The following PRR14L variants were observed in gnomAD, a reference collection of about 807,000 sequenced individuals.
PRR14L encodes the protein protein PRR14L.
In PRR14L, 80 loss-of-function variants were observed where a neutral mutation model predicts 155.0. The ratio of observed to expected loss-of-function variants is 0.52; its 90% confidence interval spans 0.43 to 0.62. PRR14L has a LOEUF of 0.62. Ranked by LOEUF, PRR14L falls within the 20% of genes least tolerant of loss-of-function variation. The probability of loss-of-function intolerance (pLI) is 0.00; values close to 1 mark genes in which losing one functional copy is unlikely to be tolerated. For synonymous variants in PRR14L, 883 were observed against 916.0 expected (o/e 0.96, Z 0.65); for missense variants, 2,469 against 2,548.0 (o/e 0.97, Z 0.67).
intron 1 of PRR14L, among the ~76,000 whole-genome samples, chr22:31,748,904 G>A (rs2074855472): frequency 6.6e-6 from 1 of 152,134 alleles, no homozygotes; most frequent in Non-Finnish European, 1.5e-5. Flanking sequence ...AGGATCTAAG[G>A]GGACTGGAAG....
At position 31,714,521 on chromosome 22, in the gene PRR14L, T is replaced by C. The variant is rs1453716997; in HGVS notation, c.3318A>G (p.Thr1106=). The C allele has an allele frequency of 4.5e-6, 7 of 1,552,180 alleles. No homozygotes were observed. In the East Asian group the frequency reaches 9.8e-5, roughly 22 times the overall value. ...LSRRELDAAH[T]GTTGQDSDFP... ...AATCTGAATCCTGACCAGTTGTTCC[T>C]GTATGTGCAGCATCCAGTTCTCTCC... The change falls in exon 4 of 9, where the codon ACA becomes ACG. Residue 1106 remains threonine (T), a synonymous_variant. Transcript: ENST00000327423.
Position 31,712,591 on chromosome 22 carries a change from C to T in PRR14L, c.5248G>A (p.Gly1750Arg), listed in dbSNP as rs1048936625. Residue 1750 changes from glycine (G) to arginine (R), a missense_variant, in exon 4 of 9, where the codon GGA (glycine) becomes AGA (arginine). Around this residue, in one of 2 missense-constraint regions of PRR14L, gnomAD observed 2,363 missense variants for 2,371.6 expected, o/e 1.00. Transcript: ENST00000327423. ...EHCAPARLAL[G>R]EALQCPSQPP... ...TGAGACGGGCACTGGAGGGCCTCTC[C>T]TAAGGCAAGCCTTGCCGGAGCACAG... The T allele has an allele frequency of 1.4e-5, 22 of 1,551,594 alleles. No homozygotes were observed. Among genetic ancestry groups the T allele is most frequent in the African/African-American group, 2.7e-5 (2 of 73,046 alleles).
chr22:31,725,205 G>C (rs957280603), intron 3 of PRR14L, among the ~76,000 whole-genome samples: 17 of 152,180 alleles, frequency 1.1e-4, no homozygotes, highest in African/African-American at 4.1e-4. Context: ...GACCAGCCTA[G>C]GCAACATGGT....
At chr22:31,743,340 C>G (rs928381572) in intron 1 of PRR14L, among the ~76,000 whole-genome samples, 1 of 152,004 alleles carries the variant, frequency 6.6e-6, no homozygotes, top group Non-Finnish European at 1.5e-5. Context: ...TTGGGAGTGA[C>G]AGCTGAGGGA....
At chr22:31,734,750 G>A (rs571026935) in intron 2 of PRR14L, among the ~76,000 whole-genome samples, 2,272 of 152,282 alleles carry the variant, frequency 0.015, 56 homozygotes, top group African/African-American at 0.053. Context: ...TCATTAGTGT[G>A]AATACTTATC....
At chr22:31,735,624 T>A (rs138280) in intron 2 of PRR14L, among the ~76,000 whole-genome samples, 1 of 149,550 alleles carries the variant, frequency 6.7e-6, no homozygotes, top group South Asian at 2.1e-4. Flanking sequence ...TCTCCTGAAG[T>A]GGCAGGTCCC....
chr22:31,728,867 C>G (rs2074732640), intron 2 of PRR14L, among the ~76,000 whole-genome samples: 1 of 152,128 alleles, frequency 6.6e-6, no homozygotes, highest in South Asian at 2.1e-4. Context: ...GTTTAACACT[C>G]TATAGCTTAT....
chr22:31,702,617 G>A (rs555013965), intron 6 of PRR14L, among the ~76,000 whole-genome samples: 1 of 152,208 alleles, frequency 6.6e-6, no homozygotes, highest in South Asian at 2.1e-4. Flanking sequence ...CTGGGTTTAA[G>A]CGAATCTACT....
At chr22:31,686,604 A>G (rs1569496958) in intron 8 of PRR14L, among the ~76,000 whole-genome samples, 1 of 148,914 alleles carries the variant, frequency 6.7e-6, no homozygotes, top group Non-Finnish European at 1.5e-5. Context: ...TTTAAAAAGA[A>G]TTTTTTTTTT....
chr22:31,687,553 C>T (rs2074488464), intron 8 of PRR14L, among the ~76,000 whole-genome samples: 2 of 148,984 alleles, frequency 1.3e-5, no homozygotes, highest in South Asian at 2.1e-4. Flanking sequence ...CAGGGTTCAC[C>T]ATGTTGGTCA....
Position 31,714,822 on chromosome 22 carries a change from C to T in PRR14L, c.3017G>A (p.Gly1006Glu). 1 of 1,552,092 alleles carries T rather than the reference C, an allele frequency of 6.4e-7. No individual in the cohort carries two copies. Among genetic ancestry groups the T allele is most frequent in the Admixed American group, 2.0e-5 (1 of 51,002 alleles). Reference protein sequence around the residue: ...DQRETVTEPHGEVNHNQKDLL... With the variant: ...DQRETVTEPHEEVNHNQKDLL... Reference sequence around the variant, plus strand: ...ATCCTTTTGGTTGTGGTTTACCTCCCCGTGAGGCTCGGTGACAGTCTCTCT... The same window carrying T: ...ATCCTTTTGGTTGTGGTTTACCTCCTCGTGAGGCTCGGTGACAGTCTCTCT... Residue 1006 changes from glycine (G) to glutamate (E), a missense_variant, in exon 4 of 9, where the codon GGG becomes GAG. Around this residue, in one of 2 missense-constraint regions of PRR14L, gnomAD observed 2,363 missense variants for 2,371.6 expected, o/e 1.00. Transcript: ENST00000327423.
At chr22:31,748,001 G>C (rs1173502669) in intron 1 of PRR14L, among the ~76,000 whole-genome samples, 2 of 147,034 alleles carry the variant, frequency 1.4e-5, no homozygotes, top group African/African-American at 5.4e-5. Context: ...AAAAAAAACA[G>C]AACATAAAAC....
chr22:31,702,215 CTTT>C (rs1556456284), intron 6 of PRR14L, among the ~76,000 whole-genome samples: 1 of 149,354 alleles, frequency 6.7e-6, no homozygotes, highest in African/African-American at 2.6e-5. Context: ...TCTATTCCTG[CTTT>C]TTTTATTATT....
chr22:31,747,447 C>G (rs1170429460), intron 1 of PRR14L, among the ~76,000 whole-genome samples: 2 of 150,228 alleles, frequency 1.3e-5, no homozygotes, highest in African/African-American at 4.9e-5. Flanking sequence ...GTCTCTTCAT[C>G]AGGAAGCCAG....
intron 4 of PRR14L, among the ~76,000 whole-genome samples, chr22:31,710,238 C>T (rs887071739): frequency 9.2e-5 from 14 of 152,144 alleles, no homozygotes; most frequent in South Asian, 4.2e-4. Context: ...CACTGCGTCC[C>T]GCCTGAACCA....
intron 6 of PRR14L, among the ~76,000 whole-genome samples, 175 bp from the exon 7 acceptor site, chr22:31,701,937 C>T (rs1040074391): frequency 1.3e-5 from 2 of 151,974 alleles, no homozygotes; most frequent in Non-Finnish European, 2.9e-5. Context: ...CCTCCCAAAG[C>T]GCTGGGGTTA....
In PRR14L at chr22:31,715,104, T is replaced by C; in HGVS notation, c.2735A>G (p.Lys912Arg). 2 of 1,551,864 alleles carry C rather than the reference T, an allele frequency of 1.3e-6. No individual in the cohort carries two copies. Among genetic ancestry groups the C allele is most frequent in the East Asian group, 2.4e-5 (1 of 40,928 alleles). The change falls in exon 4 of 9, where the codon AAA becomes AGA. Residue 912 changes from lysine (K) to arginine (R), a missense_variant. Physicochemically the swap from Lys to Arg is conservative, Grantham distance 26. Transcript: ENST00000327423. Reference sequence around the variant, plus strand: ...GTTATACTTACAAAATACAGTTTCTTTGGATACATCCTGCTCCTTTCCTTC... The same window carrying C: ...GTTATACTTACAAAATACAGTTTCTCTGGATACATCCTGCTCCTTTCCTTC... ...GLEGKEQDVS[K>R]ETVFCKYNIS...
intron 3 of PRR14L, among the ~76,000 whole-genome samples, chr22:31,724,915 A>G (rs949758289): frequency 6.6e-6 from 1 of 152,142 alleles, no homozygotes; most frequent in Non-Finnish European, 1.5e-5. Context: ...ACTGCCTTGA[A>G]AACTCTCAGG....
chr22:31,712,601 C>A lies in PRR14L; in HGVS notation c.5238G>T (p.Arg1746Ser). 1.3e-6 allele frequency: 2 copies of A among 1,551,704 alleles called. No homozygotes were observed. The highest frequency in any genetic ancestry group is 1.7e-6 in the Non-Finnish European group (2 of 1,146,988). The change falls in exon 4 of 9, where the codon AGG (arginine) becomes AGT (serine). Residue 1746 changes from arginine to serine, a missense_variant. This residue lies in a region of PRR14L where 2,363 missense variants were observed against 2,371.6 expected (regional missense o/e 1.00). Transcript: ENST00000327423. ...RTFPEHCAPA[R>S]LALGEALQCP... ...ACTGGAGGGCCTCTCCTAAGGCAAG[C>A]CTTGCCGGAGCACAGTGCTCAGGAA...
Sources: gnomAD v4.1 joint callset for allele counts (sites outside exome capture counted in the v4.1 genomes callset) on GRCh38, gnomAD v4.1.1 for gene constraint, gnomAD v4.1.1 regional missense constraint, MANE v1.5 for transcripts, NCBI Gene and HGNC (gene_info 2026-07-23, HGNC 2026-07-21) for gene names.